The following CALN1 variants were observed in gnomAD, a reference collection of about 807,000 sequenced individuals.
CALN1 encodes calcium-binding protein 8.
A neutral mutation model predicts 30.6 loss-of-function variants in CALN1; 17 were observed. The observed-to-expected ratio is 0.56, with a 90% CI of 0.38 to 0.83. The LOEUF (loss-of-function observed/expected upper bound fraction) is 0.83. CALN1 is among the 40% of genes least tolerant of loss of function. CALN1 has a pLI of 0.00. For missense variants in CALN1, 291 were observed against 354.9 expected, an observed-to-expected ratio of 0.82 and a Z score of 1.45; for synonymous variants, 156 against 131.4, an observed-to-expected ratio of 1.19 and a Z score of -1.28.
At chr7:72,288,360 C>G (rs1394925887) in intron 2 of CALN1, among the ~76,000 whole-genome samples, 1 of 152,182 alleles carries the variant, frequency 6.6e-6, no homozygotes, top group East Asian at 1.9e-4. Flanking sequence ...TGGATCACCC[C>G]AAGCAAGTGA....
intron 5 of CALN1, among the ~76,000 whole-genome samples, chr7:71,894,586 T>C (rs757182285): frequency 2.0e-5 from 3 of 152,200 alleles, no homozygotes; most frequent in African/African-American, 4.8e-5. Flanking sequence ...AATTATTTTC[T>C]TCAAGGTCTT....
At chr7:71,800,837 T>C (rs796946530) in intron 6 of CALN1, among the ~76,000 whole-genome samples, 12 of 152,308 alleles carry the variant, frequency 7.9e-5, no homozygotes, top group African/African-American at 2.6e-4. Context: ...AGTTCCATGA[T>C]ACATGTGCAG....
intron 3 of CALN1, among the ~76,000 whole-genome samples, chr7:72,164,407 T>C (rs923796307): frequency 5.4e-5 from 8 of 148,160 alleles, no homozygotes; most frequent in African/African-American, 9.9e-5. Context: ...AAGAACGCCA[T>C]GTGATAATAA....
At position 71,800,808 on chromosome 7, in the gene CALN1, TA is replaced by T. The variant is rs375009313; in HGVS notation, c.658+9527del. The stretch of plus-strand genomic sequence containing the variant: ...TTTTCTTTTGTTTTGACTCAGCAAT[TA>T]AAAAAAAAATTATTTTAAGTTCCAT... On this transcript the variant is annotated intron_variant, in intron 6 of 6. Transcript: ENST00000395275. Among the ~76,000 whole-genome samples, 551 of 150,656 alleles carry T rather than the reference TA, an allele frequency of 3.7e-3. 1 individual carries two copies. The highest frequency in any genetic ancestry group is 0.01 in the Middle Eastern group (3 of 290).
intron 3 of CALN1, among the ~76,000 whole-genome samples, chr7:72,141,397 C>T (rs1563092469): frequency 6.6e-6 from 1 of 152,046 alleles, no homozygotes; most frequent in Non-Finnish European, 1.5e-5. Flanking sequence ...GTCAAGAGTT[C>T]GAGACCAGCC....
intron 3 of CALN1, among the ~76,000 whole-genome samples, chr7:72,200,122 C>T (rs550784527): frequency 1.3e-5 from 2 of 152,164 alleles, no homozygotes; most frequent in East Asian, 3.9e-4. Context: ...ATGTTGATGC[C>T]CCGACAAATC....
rs941266053 is a variant in CALN1, at chr7:71,779,497, GAA to G, written c.*8276_*8277del. The G allele has an allele frequency of 6.7e-6, 1 of 149,446 alleles. No homozygotes were observed. Among genetic ancestry groups the G allele is most frequent in the African/African-American group, 2.5e-5 (1 of 40,670 alleles). The allele number at this position is 149,446 out of a possible 1,614,324, so 9.3% of individuals were successfully genotyped here. ...TAATGAATGGAATCTCTTGTCAAAA[GAA>G]AAAAAAACTTTTATTTTTTCTATTG... is the stretch of plus-strand genomic sequence containing the variant. On this transcript the variant is annotated 3_prime_UTR_variant, in exon 7 of 7. Coordinates refer to ENST00000395275, the MANE Select transcript of CALN1 (RefSeq NM_031468.4).
intron 5 of CALN1, among the ~76,000 whole-genome samples, chr7:72,005,070 A>G (rs1184984403): frequency 6.6e-6 from 1 of 152,080 alleles, no homozygotes; most frequent in Non-Finnish European, 1.5e-5. Context: ...ATCACTGTGG[A>G]AAAAAAATAG....
At chr7:72,284,515 GT>G (rs1797951577) in intron 2 of CALN1, among the ~76,000 whole-genome samples, 1 of 115,768 alleles carries the variant, frequency 8.6e-6, no homozygotes, top group Non-Finnish European at 2.1e-5. Flanking sequence ...CCTCCCCAGT[GT>G]GGGTGGGTCT....
chr7:71,818,672 TTTTA>T (rs72244772), intron 5 of CALN1, among the ~76,000 whole-genome samples: 96,794 of 130,848 alleles, frequency 0.74, 36,677 homozygotes, highest in Non-Finnish European at 0.8. Flanking sequence ...GACCAGCTTA[TTTTA>T]TTTATTTATT....
intron 3 of CALN1, among the ~76,000 whole-genome samples, chr7:72,113,950 G>A (rs1807756983): frequency 6.6e-6 from 1 of 152,052 alleles, no homozygotes; most frequent in African/African-American, 2.4e-5. Context: ...AGGGGAAGAT[G>A]AGGAACTCAG....
intron 2 of CALN1, among the ~76,000 whole-genome samples, chr7:72,391,937 T>C (rs1245292563): frequency 6.6e-6 from 1 of 152,218 alleles, no homozygotes; most frequent in Non-Finnish European, 1.5e-5. Flanking sequence ...ATGTGGTGTC[T>C]ATGCCTCCAC....
chr7:71,954,391 T>C (rs1796853568), intron 5 of CALN1, among the ~76,000 whole-genome samples: 1 of 151,836 alleles, frequency 6.6e-6, no homozygotes, highest in South Asian at 2.1e-4. Flanking sequence ...ACCAGGGAGA[T>C]GGAGGTTGCA....
At chr7:72,391,557 G>C (rs1270234060) in intron 2 of CALN1, among the ~76,000 whole-genome samples, 21 of 152,136 alleles carry the variant, frequency 1.4e-4, no homozygotes, top group Admixed American at 1.4e-3. Flanking sequence ...ATCTTGAATT[G>C]TAGCTCCCAT....
chr7:72,034,736 T>C (rs1801682098), intron 4 of CALN1, among the ~76,000 whole-genome samples: 3 of 141,110 alleles, frequency 2.1e-5, no homozygotes, highest in African/African-American at 8.1e-5. Context: ...TGTGGTGAGC[T>C]GTGATCATGC....
chr7:72,116,243 C>T (rs572350690), intron 3 of CALN1, among the ~76,000 whole-genome samples: 2 of 152,268 alleles, frequency 1.3e-5, no homozygotes, highest in South Asian at 2.1e-4. Flanking sequence ...GTCCTGAAGG[C>T]ACTTCCTGCT....
intron 5 of CALN1, among the ~76,000 whole-genome samples, chr7:71,943,163 C>T (rs1796225138): frequency 6.6e-6 from 1 of 152,172 alleles, no homozygotes; most frequent in Non-Finnish European, 1.5e-5. Flanking sequence ...TCAACCTTGG[C>T]AAAATAAACT....
At chr7:72,378,216 A>G (rs755742237) in intron 2 of CALN1, among the ~76,000 whole-genome samples, 15 of 152,156 alleles carry the variant, frequency 9.9e-5, no homozygotes, top group Non-Finnish European at 2.1e-4. Context: ...ACAAGCTAAA[A>G]CAAATACTTA....
chr7:72,024,584 A>T lies in CALN1; in HGVS notation c.389-815T>A, dbSNP rs374363867. Among the ~76,000 whole-genome samples the T allele has an allele frequency of 1.2e-4, 18 of 152,180 alleles. No individual in the cohort carries two copies. The East Asian group carries it at 1.6e-3, about 13-fold the overall frequency. On this transcript the variant is annotated intron_variant, in intron 4 of 6. Transcript: ENST00000395275. ...TGGCTAATTTTTGTATTTTTAGTAG[A>T]GACAGGGTTTCACCATGTTGCCCAG...
Sources: gnomAD v4.1 joint callset for allele counts (sites outside exome capture counted in the v4.1 genomes callset) on GRCh38, gnomAD v4.1.1 for gene constraint, MANE v1.5 for transcripts, NCBI Gene and HGNC (gene_info 2026-07-23, HGNC 2026-07-21) for gene names.